Variants in ARFGEF3 observed in about 807,000 individuals in gnomAD.
The protein encoded by ARFGEF3 is brefeldin A-inhibited guanine nucleotide-exchange protein 3.
In ARFGEF3, 96 loss-of-function variants were observed where a neutral mutation model predicts 221.7. The observed-to-expected ratio is 0.43, with a 90% CI of 0.37 to 0.51. ARFGEF3 has a LOEUF of 0.51. Among genes scored for constraint, ARFGEF3 ranks in the 20% least tolerant of loss-of-function variants. The pLI is 0.00. For missense variants in ARFGEF3, 2,410 were observed against 2,789.9 expected, an observed-to-expected ratio of 0.86 and a Z score of 3.07; for synonymous variants, 1,145 against 1,126.8, an observed-to-expected ratio of 1.02 and a Z score of -0.32.
chr6:138,341,314 A>G lies in ARFGEF3; in HGVS notation c.*4828A>G, dbSNP rs984739431. On this transcript the variant is annotated 3_prime_UTR_variant, in exon 34 of 34. Coordinates refer to ENST00000251691, the MANE Select transcript of ARFGEF3 (RefSeq NM_020340.5). ...TCAAAATGTACATTCTCTGAAGAGGAAGCAGCTGGTTGGACAGGATTTCTT... is the reference window on the plus strand; with the variant it reads ...TCAAAATGTACATTCTCTGAAGAGGGAGCAGCTGGTTGGACAGGATTTCTT... The G allele has an allele frequency of 3.9e-5, 6 of 154,866 alleles. No homozygotes were observed. The highest frequency in any genetic ancestry group is 1.4e-4 in the African/African-American group (6 of 41,532). 9.6% of individuals were successfully genotyped at this position (154,866 alleles called of 1,614,324 possible). A position where few individuals can be genotyped will look rare whatever the true frequency, so the allele number is the denominator to read the frequency against.
intron 30 of ARFGEF3, 46 bp downstream of exon 30, chr6:138,323,819 T>G: frequency 3.8e-6 from 6 of 1,592,520 alleles, no homozygotes; most frequent in Non-Finnish European, 5.2e-6. Flanking sequence ...TCTAACCATC[T>G]TTAGCTCCTG....
intron 14 of ARFGEF3, among the ~76,000 whole-genome samples, chr6:138,283,633 G>A (rs750318119): frequency 6.6e-6 from 1 of 152,180 alleles, no homozygotes; most frequent in Non-Finnish European, 1.5e-5. Flanking sequence ...GATGATCAGC[G>A]CTGTACTAAC....
At position 138,286,790 on chromosome 6, in the gene ARFGEF3, A is replaced by G; in HGVS notation, c.2659A>G (p.Ser887Gly). ...STPLTGRMAG[S>G]SKGLAFILGA... ...CCCACTGACTGGTCGAATGGCGGGG[A>G]GCTCCAAAGGGCTGGCCTTCATTCT... The change falls in exon 16 of 34, where the codon AGC becomes GGC. Residue 887 changes from serine to glycine, a missense_variant. Transcript: ENST00000251691. The G allele has an allele frequency of 6.2e-7, 1 of 1,614,040 alleles. No homozygotes were observed. The highest frequency in any genetic ancestry group is 1.1e-5 in the South Asian group (1 of 91,086).
At chr6:138,232,662 G>T (rs972189669) in intron 5 of ARFGEF3, among the ~76,000 whole-genome samples, 2 of 152,024 alleles carry the variant, frequency 1.3e-5, no homozygotes, top group African/African-American at 2.4e-5. Flanking sequence ...TAATTTCAGG[G>T]CATGAAAAAC....
intron 31 of ARFGEF3, 143 bp from the exon 32 acceptor site, chr6:138,327,878 C>T (rs902524684): frequency 6.4e-6 from 4 of 629,168 alleles, no homozygotes; most frequent in Non-Finnish European, 1.1e-5. Context: ...TCAATTAACT[C>T]TCTCAACAAA....
At position 138,287,139 on chromosome 6, in the gene ARFGEF3, AAAG is replaced by A; in HGVS notation, c.2856_2858del (p.Glu953del). 3 of 1,575,268 alleles carry A rather than the reference AAAG, an allele frequency of 1.9e-6. No homozygotes were observed. Among genetic ancestry groups the A allele is most frequent in the Non-Finnish European group, 2.6e-6 (3 of 1,159,944 alleles). Reference sequence around the variant, plus strand: ...AGCTGCCTCCTGTGTCCAAGAAGAAAAAGAAGAGAGGGAGGCCCAAGAACCCAG... The same window carrying A: ...AGCTGCCTCCTGTGTCCAAGAAGAAAAAGAGAGGGAGGCCCAAGAACCCAG... On this transcript the variant is annotated inframe_deletion, in exon 17 of 34. Transcript: ENST00000251691.
At chr6:138,274,800 A>G (rs1311613352) in intron 12 of ARFGEF3, among the ~76,000 whole-genome samples, 1 of 144,066 alleles carries the variant, frequency 6.9e-6, no homozygotes, top group Non-Finnish European at 1.5e-5. Context: ...CGTCTCAAAA[A>G]AAAAAAAAAA....
At chr6:138,234,590 G>T (rs1778250804) in intron 5 of ARFGEF3, among the ~76,000 whole-genome samples, 1 of 151,968 alleles carries the variant, frequency 6.6e-6, no homozygotes, top group African/African-American at 2.4e-5. Flanking sequence ...AGAGAATAAG[G>T]AATAGCCTGG....
At chr6:138,292,159 C>A in intron 19 of ARFGEF3, 106 bp downstream of exon 19, 1 of 923,670 alleles carries the variant, frequency 1.1e-6, no homozygotes, top group Non-Finnish European at 1.5e-6. Flanking sequence ...TAGCCAATCA[C>A]TTAAATCTCT....
At chr6:138,322,442 A>G (rs1583066827) in intron 29 of ARFGEF3, among the ~76,000 whole-genome samples, 1 of 152,294 alleles carries the variant, frequency 6.6e-6, no homozygotes, top group East Asian at 1.9e-4. Flanking sequence ...GGGGAGGGAC[A>G]CAGCCAAACT....
chr6:138,164,938 A>C (rs919762752), intron 1 of ARFGEF3, among the ~76,000 whole-genome samples: 2 of 152,178 alleles, frequency 1.3e-5, no homozygotes, highest in Non-Finnish European at 2.9e-5. Flanking sequence ...AAGGGGGGTT[A>C]CCTCTCACGT....
intron 12 of ARFGEF3, among the ~76,000 whole-genome samples, chr6:138,270,427 GACACACACACACACACAC>G (rs3044804): frequency 1.5e-3 from 209 of 139,510 alleles, no homozygotes; most frequent in Non-Finnish European, 2.5e-3. Context: ...ATTTTACGTA[GACACACACACACACACAC>G]ACACACACAC....
At position 138,323,785 on chromosome 6, in the gene ARFGEF3, G is replaced by A. The variant is rs530324929; in HGVS notation, c.4869+12G>A. 4.3e-6 allele frequency: 7 copies of A among 1,612,990 alleles called. No homozygotes were observed. The highest frequency in any genetic ancestry group is 4.0e-5 in the African/African-American group (3 of 75,016). ...TCAAGCCAGTGAAGGTACATCACTG[G>A]GAGGAAGCCCTCCCTGGCACAGTTC... On this transcript the variant is annotated intron_variant, in intron 30 of 33. Coordinates refer to ENST00000251691, the MANE Select transcript of ARFGEF3 (RefSeq NM_020340.5).
chr6:138,306,967 A>G (rs1393829570), intron 22 of ARFGEF3, among the ~76,000 whole-genome samples: 1 of 151,734 alleles, frequency 6.6e-6, no homozygotes, highest in Non-Finnish European at 1.5e-5. Context: ...AAAAAAAAAA[A>G]AAAAGAAAAT....
chr6:138,333,833 T>C (rs1780270514), intron 32 of ARFGEF3, 137 bp from the exon 33 acceptor site: 2 of 950,964 alleles, frequency 2.1e-6, no homozygotes, highest in East Asian at 2.6e-5. Context: ...CCTTCTTTCA[T>C]GGAAGACATT....
chr6:138,247,306 C>A (rs2114563228), intron 8 of ARFGEF3, among the ~76,000 whole-genome samples: 1 of 152,280 alleles, frequency 6.6e-6, no homozygotes, highest in South Asian at 2.1e-4. Flanking sequence ...ACTGCAGCGA[C>A]CCCATCTGTA....
chr6:138,221,874 A>G (rs1286610730), intron 4 of ARFGEF3, among the ~76,000 whole-genome samples: 1 of 152,238 alleles, frequency 6.6e-6, no homozygotes, highest in Non-Finnish European at 1.5e-5. Flanking sequence ...TGTTGACTAA[A>G]AAATCTCTCA....
rs776579767 is a variant in ARFGEF3, at chr6:138,162,182, G to C, written c.85+11G>C. 2.2e-5 allele frequency: 35 copies of C among 1,591,244 alleles called. No individual in the cohort carries two copies. The highest frequency in any genetic ancestry group is 8.5e-5 in the Admixed American group (5 of 58,730). ...GCACCTGGGCCCTGGGTAAGCGTCC[G>C]GCACCTGCTCGCCGCGGCGGGAGGG... On this transcript the variant is annotated intron_variant, in intron 1 of 33. Coordinates refer to ENST00000251691, the MANE Select transcript of ARFGEF3 (RefSeq NM_020340.5). This position sits in a 1 kb window ranked among gnomAD's most constrained non-coding sequence, Gnocchi z 4.7.
At chr6:138,197,448 G>T (rs972566864) in intron 2 of ARFGEF3, among the ~76,000 whole-genome samples, 22 of 152,166 alleles carry the variant, frequency 1.4e-4, no homozygotes, top group Non-Finnish European at 7.3e-5. Flanking sequence ...GAGTAACATG[G>T]TTGTTTATTA....
Sources: gnomAD v4.1 joint callset for allele counts (sites outside exome capture counted in the v4.1 genomes callset) on GRCh38, gnomAD v4.1.1 for gene constraint, Gnocchi (gnomAD v3.1) non-coding constraint, MANE v1.5 for transcripts, NCBI Gene and HGNC (gene_info 2026-07-23, HGNC 2026-07-21) for gene names.